Variants in DMRT1 observed in about 807,000 individuals in gnomAD.
DMRT1 encodes the protein doublesex- and mab-3-related transcription factor 1.
A neutral mutation model predicts 32.3 loss-of-function variants in DMRT1; 7 were observed. The observed-to-expected ratio is 0.22, with a 90% CI of 0.12 to 0.41. The LOEUF (loss-of-function observed/expected upper bound fraction) is 0.41. Ranked by LOEUF, DMRT1 falls within the 10% of genes least tolerant of loss-of-function variation. DMRT1 has a pLI of 1.00. For synonymous variants in DMRT1, 278 were observed against 206.1 expected (o/e 1.35, Z -2.99); for missense variants, 625 against 500.5 (o/e 1.25, Z -2.37).
intron 4 of DMRT1, among the ~76,000 whole-genome samples, chr9:952,210 A>G (rs991148102): frequency 6.6e-6 from 1 of 152,216 alleles, no homozygotes; most frequent in Non-Finnish European, 1.5e-5. Flanking sequence ...TGCTGGGCAC[A>G]GAGCAGATGC....
intron 2 of DMRT1, among the ~76,000 whole-genome samples, chr9:886,006 A>G (rs1816913637): frequency 6.6e-6 from 1 of 152,218 alleles, no homozygotes; most frequent in South Asian, 2.1e-4. Flanking sequence ...ATTTTGGCCA[A>G]TTATCATTCT....
At chr9:966,310 T>A (rs1181715151) in intron 4 of DMRT1, among the ~76,000 whole-genome samples, 2 of 152,204 alleles carry the variant, frequency 1.3e-5, no homozygotes, top group African/African-American at 2.4e-5. Flanking sequence ...ATATGCGTGC[T>A]TTTTTGTTAT....
In DMRT1 at chr9:847,394, TAGAG is replaced by T. The variant is rs796683250; in HGVS notation, c.538+256_538+259del. On this transcript the variant is annotated intron_variant, in intron 2 of 4. Transcript: ENST00000382276. The stretch of plus-strand genomic sequence containing the variant: ...ACTGAGTCTGGACAGAGAATGATGT[TAGAG>T]AGAGGTGAGATTGTTCAGATTTCAT... 4.6e-5 allele frequency among the ~76,000 whole-genome samples: 7 copies of T among 152,342 alleles called. 1 individual carries two copies. The highest frequency in any genetic ancestry group is 1.7e-4 in the African/African-American group (7 of 41,578).
intron 3 of DMRT1, among the ~76,000 whole-genome samples, chr9:915,886 C>G (rs1295096287): frequency 1.1e-4 from 16 of 152,058 alleles, no homozygotes; most frequent in Admixed American, 1.0e-3. Flanking sequence ...GTGCCCGCCA[C>G]CACGTCTGGC....
intron 3 of DMRT1, among the ~76,000 whole-genome samples, chr9:901,018 T>C (rs1817552661): frequency 6.6e-6 from 1 of 150,774 alleles, no homozygotes; most frequent in African/African-American, 2.5e-5. Flanking sequence ...TTTTTAATTA[T>C]TATTATTTTT....
intron 3 of DMRT1, among the ~76,000 whole-genome samples, chr9:913,948 A>G (rs1042559057): frequency 1.3e-5 from 2 of 152,122 alleles, no homozygotes; most frequent in East Asian, 1.9e-4. Flanking sequence ...GGTACTAAGT[A>G]TGAGAGGAAG....
chr9:920,377 G>A (rs776920692), intron 4 of DMRT1, among the ~76,000 whole-genome samples: 13 of 152,204 alleles, frequency 8.5e-5, no homozygotes, highest in Non-Finnish European at 1.2e-4. Context: ...TGTGTGAGCG[G>A]TGCCTTAGAA....
chr9:881,439 T>C lies in DMRT1; in HGVS notation c.539-12473T>C, dbSNP rs556578279. Among the ~76,000 whole-genome samples, 12 of 152,274 alleles carry C rather than the reference T, an allele frequency of 7.9e-5. No homozygotes were observed. In the East Asian group the frequency reaches 2.3e-3, roughly 29 times the overall value. On this transcript the variant is annotated intron_variant, in intron 2 of 4. Coordinates refer to ENST00000382276, the MANE Select transcript of DMRT1 (RefSeq NM_021951.3). ...GGCCTGCAGGGACAAAGACAAAACA[T>C]CTATGATCTTACTAGTAAAAGAAAG...
At chr9:851,544 G>A (rs1361737963) in intron 2 of DMRT1, among the ~76,000 whole-genome samples, 1 of 152,036 alleles carries the variant, frequency 6.6e-6, no homozygotes, top group African/African-American at 2.4e-5. Flanking sequence ...GGCCTTAGTA[G>A]AATTTAAAGT....
intron 2 of DMRT1, among the ~76,000 whole-genome samples, chr9:859,867 A>G (rs1278292525): frequency 7.4e-6 from 1 of 134,650 alleles, no homozygotes; most frequent in Non-Finnish European, 1.6e-5. Flanking sequence ...TATTGGCAGT[A>G]AGGTTCTTAG....
At chr9:919,465 T>C (rs1223836448) in intron 4 of DMRT1, among the ~76,000 whole-genome samples, 1 of 152,158 alleles carries the variant, frequency 6.6e-6, no homozygotes, top group East Asian at 1.9e-4. Flanking sequence ...TTTGTCGTGT[T>C]ACTGCTTTTT....
At chr9:855,645 G>C (rs7869456) in intron 2 of DMRT1, among the ~76,000 whole-genome samples, 64,947 of 151,770 alleles carry the variant, frequency 0.43, 14,775 homozygotes, top group Non-Finnish European at 0.52. Flanking sequence ...TTTGAGACAG[G>C]GTCTCGCTTT....
intron 4 of DMRT1, among the ~76,000 whole-genome samples, chr9:926,905 A>G (rs1274456449): frequency 6.6e-6 from 1 of 152,224 alleles, no homozygotes; most frequent in South Asian, 2.1e-4. Flanking sequence ...GTACATCACA[A>G]ATCATCAAGT....
At chr9:883,858 G>C (rs1816827375) in intron 2 of DMRT1, among the ~76,000 whole-genome samples, 1 of 151,728 alleles carries the variant, frequency 6.6e-6, no homozygotes, top group Non-Finnish European at 1.5e-5. Context: ...TCAACACAAA[G>C]TATTAGTTGG....
chr9:879,650 T>C (rs1364361212), intron 2 of DMRT1, among the ~76,000 whole-genome samples: 1 of 152,226 alleles, frequency 6.6e-6, no homozygotes, highest in African/African-American at 2.4e-5. Flanking sequence ...AGTTGTGATG[T>C]GGAAACCAAA....
At chr9:931,135 C>A (rs1017313170) in intron 4 of DMRT1, among the ~76,000 whole-genome samples, 10 of 152,298 alleles carry the variant, frequency 6.6e-5, no homozygotes, top group African/African-American at 2.2e-4. Context: ...TTGTGTCCGA[C>A]TTCTTTCATT....
intron 4 of DMRT1, among the ~76,000 whole-genome samples, chr9:928,923 C>T (rs868626588): frequency 1.1e-4 from 17 of 151,292 alleles, no homozygotes; most frequent in Non-Finnish European, 2.2e-4. Flanking sequence ...CTGCAACCTC[C>T]GCCTCCCAGA....
At chr9:897,122 A>T (rs1397767362) in intron 3 of DMRT1, among the ~76,000 whole-genome samples, 1 of 145,602 alleles carries the variant, frequency 6.9e-6, no homozygotes, top group Non-Finnish European at 1.5e-5. Context: ...TATTATTATT[A>T]TTATTTTTGA....
intron 4 of DMRT1, among the ~76,000 whole-genome samples, chr9:917,792 G>T (rs1818230860): frequency 6.6e-6 from 1 of 152,162 alleles, no homozygotes; most frequent in Non-Finnish European, 1.5e-5. Context: ...GTCTAAAATA[G>T]CTGGGCAAGT....
Sources: gnomAD v4.1 joint callset for allele counts (sites outside exome capture counted in the v4.1 genomes callset) on GRCh38, gnomAD v4.1.1 for gene constraint, MANE v1.5 for transcripts, NCBI Gene and HGNC (gene_info 2026-07-23, HGNC 2026-07-21) for gene names.